The following WWP2 variants were observed in gnomAD, a reference collection of about 807,000 sequenced individuals.
The protein encoded by WWP2 is NEDD4-like E3 ubiquitin-protein ligase WWP2.
A neutral mutation model predicts 121.0 loss-of-function variants in WWP2; 57 were observed. That is an observed-to-expected ratio of 0.47 (90% CI 0.38 to 0.59). The LOEUF (loss-of-function observed/expected upper bound fraction) is 0.59, where lower values mean the gene tolerates loss of function less well. Among genes scored for constraint, WWP2 ranks in the 20% least tolerant of loss-of-function variants. The probability of loss-of-function intolerance (pLI) is 0.00; values close to 1 mark genes in which losing one functional copy is unlikely to be tolerated. For synonymous variants in WWP2, 449 were observed against 441.3 expected, an observed-to-expected ratio of 1.02 and a Z score of -0.22; for missense variants, 962 against 1,158.9, an observed-to-expected ratio of 0.83 and a Z score of 2.47.
intron 8 of WWP2, among the ~76,000 whole-genome samples, chr16:69,895,749 G>A (rs976426472): frequency 2.6e-5 from 4 of 152,184 alleles, no homozygotes; most frequent in Non-Finnish European, 5.9e-5. Flanking sequence ...GACTGAGTGA[G>A]ACCCTGTCTC....
At position 69,795,244 on chromosome 16, in the gene WWP2, G is replaced by GA. The variant is rs549228074; in HGVS notation, c.71-3430dup. Among the ~76,000 whole-genome samples the GA allele has an allele frequency of 3.8e-5, 5 of 131,518 alleles. No homozygotes were observed. The East Asian group carries it at 1.1e-3, about 29-fold the overall frequency. The allele number at this position is 131,518 out of a possible 152,430, so 86.3% of individuals were successfully genotyped here. ...CTTACTTTTTAATGGTTTTACCTAG[G>GA]AAAAAAAATGCGGATACACACACAC... On this transcript the variant is annotated intron_variant, in intron 2 of 23. Coordinates refer to ENST00000359154, the MANE Select transcript of WWP2 (RefSeq NM_001270454.2).
chr16:69,864,774 T>G (rs2057489174), intron 6 of WWP2, among the ~76,000 whole-genome samples: 1 of 150,488 alleles, frequency 6.6e-6, no homozygotes, highest in Non-Finnish European at 1.5e-5. Flanking sequence ...CAGGCTGGAG[T>G]GCAATGGCTC....
At chr16:69,865,305 C>T (rs1478907511) in intron 6 of WWP2, among the ~76,000 whole-genome samples, 2 of 152,212 alleles carry the variant, frequency 1.3e-5, no homozygotes, top group African/African-American at 4.8e-5. Flanking sequence ...CTGCCTCAGC[C>T]TCCCAAAGTG....
intron 6 of WWP2, among the ~76,000 whole-genome samples, chr16:69,842,757 C>T (rs1286937410): frequency 1.3e-5 from 2 of 152,110 alleles, no homozygotes; most frequent in South Asian, 2.1e-4. Flanking sequence ...GCAGCCTTGA[C>T]CTCCTGGGCT....
intron 4 of WWP2, among the ~76,000 whole-genome samples, chr16:69,832,925 G>A (rs536722602): frequency 6.6e-6 from 1 of 152,282 alleles, no homozygotes; most frequent in African/African-American, 2.4e-5. Flanking sequence ...TGCAAACATG[G>A]CTCAGTGCAG....
chr16:69,839,391 G>A (rs2056934449), intron 4 of WWP2, among the ~76,000 whole-genome samples: 1 of 152,160 alleles, frequency 6.6e-6, no homozygotes, highest in African/African-American at 2.4e-5. Flanking sequence ...TAGCAGGGTG[G>A]AGGGTGTGTA....
chr16:69,929,393 G>C (rs1390960323), intron 11 of WWP2, 55 bp from the exon 12 acceptor site: 1 of 1,553,760 alleles, frequency 6.4e-7, no homozygotes, highest in African/African-American at 1.4e-5. Flanking sequence ...TCAGGGAAAG[G>C]ACACCGGCTC....
Position 69,931,065 on chromosome 16 carries a change from G to A in WWP2, c.1446-87G>A, listed in dbSNP as rs1356001143. 36 of 1,264,594 alleles carry A rather than the reference G, an allele frequency of 2.8e-5. 1 individual carries two copies. In the East Asian group the frequency reaches 8.2e-4, roughly 29 times the overall value. 78.3% of individuals were successfully genotyped at this position (1,264,594 alleles called of 1,614,324 possible). The stretch of plus-strand genomic sequence containing the variant: ...CATTACTAATCTTTAAATTAACATA[G>A]CACCAGCTTTCCTTAGGGCTGACAA... On this transcript the variant is annotated intron_variant, in intron 13 of 23. Coordinates refer to ENST00000359154, the MANE Select transcript of WWP2 (RefSeq NM_001270454.2).
intron 6 of WWP2, among the ~76,000 whole-genome samples, chr16:69,855,575 G>A (rs900223397): frequency 1.2e-4 from 18 of 152,172 alleles, no homozygotes; most frequent in Non-Finnish European, 2.2e-4. Context: ...TATAAGAGCC[G>A]GTTGCAGTAT....
chr16:69,922,760 C>G (rs1165418229), intron 10 of WWP2, among the ~76,000 whole-genome samples: 1 of 152,104 alleles, frequency 6.6e-6, no homozygotes, highest in Admixed American at 6.5e-5. Flanking sequence ...TACTGCGTAC[C>G]TTAGGGAAGA....
intron 2 of WWP2, among the ~76,000 whole-genome samples, chr16:69,793,104 C>T (rs984817855): frequency 6.6e-6 from 1 of 152,102 alleles, no homozygotes. Context: ...GCCTGTAATC[C>T]GAGCACTTTG....
intron 11 of WWP2, among the ~76,000 whole-genome samples, chr16:69,928,835 C>T (rs935311257): frequency 6.6e-6 from 1 of 152,142 alleles, no homozygotes; most frequent in Non-Finnish European, 1.5e-5. Context: ...TGCTTATAAG[C>T]AAGAAAGAGG....
rs1056868023 is a variant in WWP2 at position 69,904,260 on chromosome 16, A to C, written c.915-4501A>C. ...GTCTTCTGTGCTAGAAGGCCCTGCC[A>C]AATCCCCACAGACGAAACACCAGCC... On this transcript the variant is annotated intron_variant, in intron 8 of 23. Transcript: ENST00000359154. 2.6e-5 allele frequency among the ~76,000 whole-genome samples: 4 copies of C among 152,232 alleles called. No homozygotes were observed. The East Asian group carries it at 7.7e-4, about 29-fold the overall frequency.
chr16:69,796,824 T>G (rs2056057154), intron 2 of WWP2, among the ~76,000 whole-genome samples: 1 of 152,208 alleles, frequency 6.6e-6, no homozygotes, highest in African/African-American at 2.4e-5. Context: ...CCACAGCTGA[T>G]TTTTTATCTG....
At chr16:69,914,206 A>G (rs2058445737) in intron 9 of WWP2, among the ~76,000 whole-genome samples, 1 of 152,144 alleles carries the variant, frequency 6.6e-6, no homozygotes, top group Admixed American at 6.6e-5. Flanking sequence ...AGGAAAGAAC[A>G]GAGAAACAGG....
At chr16:69,847,666 C>T (rs1029959220) in intron 6 of WWP2, among the ~76,000 whole-genome samples, 1 of 152,140 alleles carries the variant, frequency 6.6e-6, no homozygotes. Context: ...CCTCGGCCTC[C>T]TAAAGTGCTG....
intron 6 of WWP2, among the ~76,000 whole-genome samples, chr16:69,865,992 G>A (rs2057513953): frequency 6.6e-6 from 1 of 152,156 alleles, no homozygotes; most frequent in East Asian, 1.9e-4. Flanking sequence ...TCGACACTGA[G>A]GAAAGAAAGA....
At chr16:69,871,720 G>T in intron 6 of WWP2, 84 bp from the exon 7 acceptor site, 1 of 1,560,804 alleles carries the variant, frequency 6.4e-7, no homozygotes, top group South Asian at 1.2e-5. Flanking sequence ...GGCAGGAGAA[G>T]GGAATATGAT....
At chr16:69,875,122 A>G (rs779620020) in intron 7 of WWP2, among the ~76,000 whole-genome samples, 21 of 152,216 alleles carry the variant, frequency 1.4e-4, no homozygotes, top group Non-Finnish European at 7.3e-5. Context: ...TTTCCAGACT[A>G]TCACAATAAA....
Sources: gnomAD v4.1 joint callset for allele counts (sites outside exome capture counted in the v4.1 genomes callset) on GRCh38, gnomAD v4.1.1 for gene constraint, MANE v1.5 for transcripts, NCBI Gene and HGNC (gene_info 2026-07-23, HGNC 2026-07-21) for gene names.